KDR: variants seen among roughly 807,000 people sequenced by gnomAD.
The protein encoded by KDR is kinase insert domain receptor.
Under a neutral mutation model 160.9 loss-of-function variants are expected in KDR, and 43 were observed. The ratio of observed to expected loss-of-function variants is 0.27; its 90% confidence interval spans 0.21 to 0.34. The LOEUF (loss-of-function observed/expected upper bound fraction) is 0.34, where lower values mean the gene tolerates loss of function less well. Ranked by LOEUF, KDR falls within the 10% of genes least tolerant of loss-of-function variation. The probability of loss-of-function intolerance (pLI) is 1.00; values close to 1 mark genes in which losing one functional copy is unlikely to be tolerated. For synonymous variants in KDR, 617 were observed against 600.1 expected (o/e 1.03, Z -0.41); for missense variants, 1,469 against 1,666.4 (o/e 0.88, Z 2.06).
intron 11 of KDR, among the ~76,000 whole-genome samples, 166 bp downstream of exon 11, chr4:55,106,521 G>T (rs981404341): frequency 4.6e-5 from 7 of 152,122 alleles, no homozygotes; most frequent in African/African-American, 1.7e-4. Context: ...CTATTAATAA[G>T]TTAATGGTAC....
At chr4:55,099,630 G>A (rs1313486628) in intron 15 of KDR, among the ~76,000 whole-genome samples, 1 of 152,208 alleles carries the variant, frequency 6.6e-6, no homozygotes, top group African/African-American at 2.4e-5. Context: ...TTTTTGACCT[G>A]AGAGTTACTA....
intron 15 of KDR, 109 bp from the exon 16 acceptor site, chr4:55,098,912 A>G (rs1720232360): frequency 2.6e-6 from 2 of 761,030 alleles, no homozygotes; most frequent in African/African-American, 1.7e-5. Context: ...CCAACTTGGA[A>G]AAATCCTAGA....
At chr4:55,103,779 TA>T (rs551804761) in intron 13 of KDR, among the ~76,000 whole-genome samples, 21 of 145,300 alleles carry the variant, frequency 1.4e-4, no homozygotes, top group East Asian at 4.0e-4. Context: ...TTCCTAACAG[TA>T]AAAAAAAAAC....
chr4:55,106,874 A>G, intron 10 of KDR, 64 bp from the exon 11 acceptor site: 1 of 1,380,668 alleles, frequency 7.2e-7, no homozygotes, highest in Non-Finnish European at 1.0e-6. Flanking sequence ...GTCAAGAGTA[A>G]GGAAAAGATT....
chr4:55,104,853 T>C lies in KDR; in HGVS notation c.1777A>G (p.Ile593Val), dbSNP rs146888336. Residue 593 changes from isoleucine (I) to valine (V), a missense_variant, in exon 13 of 30, where the codon ATC becomes GTC. Ile to Val is a conservative substitution (Grantham distance 29, BLOSUM62 3). Transcript: ENST00000263923. Reference protein sequence around the residue: ...WYKLGPQPLPIHVGELPTPVC... With the variant: ...WYKLGPQPLPVHVGELPTPVC... Reference sequence around the variant, plus strand: ...GGTGTGGGCAACTCTCCCACATGGATTGGCAGAGGCTGTGGGCCAAGCTTG... The same window carrying C: ...GGTGTGGGCAACTCTCCCACATGGACTGGCAGAGGCTGTGGGCCAAGCTTG... 5.0e-6 allele frequency: 8 copies of C among 1,613,966 alleles called. No individual in the cohort carries two copies. Among genetic ancestry groups the C allele is most frequent in the Non-Finnish European group, 6.8e-6 (8 of 1,179,888 alleles).
intron 15 of KDR, among the ~76,000 whole-genome samples, chr4:55,099,030 T>TA (rs1460364287): frequency 6.7e-6 from 1 of 148,806 alleles, no homozygotes; most frequent in African/African-American, 2.5e-5. Context: ...TTTATTTATT[T>TA]TTAGAGACAG....
chr4:55,084,578 T>C (rs542555666), intron 27 of KDR, among the ~76,000 whole-genome samples: 1 of 152,296 alleles, frequency 6.6e-6, no homozygotes, highest in South Asian at 2.1e-4. Context: ...GAAACAGGTC[T>C]TTTAACTATT....
At chr4:55,096,426 A>G (rs2110016536) in intron 18 of KDR, 84 bp from the exon 19 acceptor site, 1 of 916,098 alleles carries the variant, frequency 1.1e-6, no homozygotes, top group Non-Finnish European at 1.8e-6. Flanking sequence ...GCATGCCACT[A>G]TACAACTTAC....
chr4:55,086,153 T>C (rs890651233), intron 27 of KDR, among the ~76,000 whole-genome samples: 3 of 152,184 alleles, frequency 2.0e-5, no homozygotes. Context: ...GGGCCCTCCT[T>C]GGCATGGGAG....
In KDR at chr4:55,090,849, CTTT is replaced by C. The variant is rs61138010; in HGVS notation, c.3070-774_3070-772del. 3.7e-3 allele frequency among the ~76,000 whole-genome samples: 314 copies of C among 84,094 alleles called. 1 individual carries two copies. Among genetic ancestry groups the C allele is most frequent in the Middle Eastern group, 0.032 (2 of 62 alleles). The allele number at this position is 84,094 out of a possible 152,430, so 55.2% of individuals were successfully genotyped here. A position where few individuals can be genotyped will look rare whatever the true frequency, so the allele number is the denominator to read the frequency against. ...AATGAATCAATGGCTTAGAAGAAAA[CTTT>C]TTTTTTTTTTTTTTTTTTTTTTGAG... On this transcript the variant is annotated intron_variant, in intron 22 of 29. Coordinates refer to ENST00000263923, the MANE Select transcript of KDR (RefSeq NM_002253.4).
At chr4:55,098,306 A>C in intron 16 of KDR, 34 bp from the exon 17 acceptor site, 1 of 1,612,290 alleles carries the variant, frequency 6.2e-7, no homozygotes, top group Non-Finnish European at 8.5e-7. Context: ...TCATAAACAC[A>C]CTGTTGTTTG....
At chr4:55,108,995 T>C (rs1720508960) in intron 9 of KDR, among the ~76,000 whole-genome samples, 1 of 152,164 alleles carries the variant, frequency 6.6e-6, no homozygotes, top group Non-Finnish European at 1.5e-5. Flanking sequence ...CCTGTTCATT[T>C]CCTCCTCCCA....
At position 55,125,254 on chromosome 4, in the gene KDR, A is replaced by T; in HGVS notation, c.40T>A (p.Cys14Ser). Residue 14 changes from cysteine to serine, a missense_variant, in exon 1 of 30, where the codon TGC (cysteine) becomes AGC (serine). Cys to Ser is a moderately radical substitution (Grantham distance 112). Transcript: ENST00000263923. ...ACAGAGGCGGCCCGGGTCTCCACGC[A>T]GAGCCACAGGGCGACGGCCAGCAGC... ...KVLLAVALWL[C>S]VETRAASVGL... is the part of the protein sequence containing the mutation. 5 of 1,613,068 alleles carry T rather than the reference A, an allele frequency of 3.1e-6. No homozygotes were observed. Among genetic ancestry groups the T allele is most frequent in the Non-Finnish European group, 4.2e-6 (5 of 1,179,760 alleles).
chr4:55,125,063 G>C (rs1720996279), intron 1 of KDR, among the ~76,000 whole-genome samples, 164 bp downstream of exon 1: 1 of 152,178 alleles, frequency 6.6e-6, no homozygotes, highest in African/African-American at 2.4e-5. Flanking sequence ...GTAATCTTGG[G>C]CCAGTCTCTG....
At chr4:55,102,154 A>T in intron 14 of KDR, 126 bp from the exon 15 acceptor site, 3 of 1,395,922 alleles carry the variant, frequency 2.1e-6, no homozygotes, top group Non-Finnish European at 3.0e-6. Flanking sequence ...GTAGAGTCAC[A>T]TGGGATCTAC....
Position 55,080,173 on chromosome 4 carries a change from A to T in KDR, c.3849-10T>A. The T allele has an allele frequency of 6.2e-7, 1 of 1,611,678 alleles. No homozygotes were observed. Among genetic ancestry groups the T allele is most frequent in the Non-Finnish European group, 8.5e-7 (1 of 1,178,936 alleles). ...GCTGGGCACCATTCCACTGCAGAAG[A>T]AATGGCAAACAAAGGAGTTGGCAGA... is the stretch of plus-strand genomic sequence containing the variant. On this transcript the variant is annotated splice_polypyrimidine_tract_variant and intron_variant, in intron 29 of 29. Transcript: ENST00000263923.
chr4:55,098,366 G>A (rs1266358079), intron 16 of KDR, 94 bp from the exon 17 acceptor site: 4 of 1,434,046 alleles, frequency 2.8e-6, no homozygotes, highest in African/African-American at 1.4e-5. Flanking sequence ...CCTCATTCCT[G>A]TCTCATTTTC....
At position 55,104,971 on chromosome 4, in the gene KDR, A is replaced by C. The variant is rs1720406858; in HGVS notation, c.1659T>G (p.Ile553Met). 2 of 1,613,548 alleles carry C rather than the reference A, an allele frequency of 1.2e-6. No homozygotes were observed. The highest frequency in any genetic ancestry group is 1.1e-5 in the South Asian group (1 of 91,076). The change falls in exon 13 of 30, where the codon ATT (isoleucine) becomes ATG (methionine). Residue 553 changes from isoleucine to methionine, a missense_variant. By Grantham distance (10) the Ile-to-Met change is conservative. Transcript: ENST00000263923. ...ISFHVTRGPE[I>M]TLQPDMQPTE... The stretch of plus-strand genomic sequence containing the variant: ...TGGGCTGCATGTCAGGTTGCAAAGT[A>C]ATTTCAGGACCCCCTAAAATGAAGA...
chr4:55,116,342 G>A (rs368605610), intron 3 of KDR, among the ~76,000 whole-genome samples: 10 of 151,490 alleles, frequency 6.6e-5, no homozygotes, highest in African/African-American at 1.2e-4. Flanking sequence ...CATTTGAACC[G>A]GGGGGCAGAA....
Sources: allele counts gnomAD v4.1 joint callset (sites outside exome capture counted in the v4.1 genomes callset), GRCh38; gene constraint gnomAD v4.1.1; transcripts MANE v1.5; gene names NCBI Gene and HGNC (gene_info 2026-07-23, HGNC 2026-07-21).